Variants in COL25A1 observed in about 807,000 individuals in gnomAD.
The protein encoded by COL25A1 is collagen alpha-1(XXV) chain.
Under a neutral mutation model 128.4 loss-of-function variants are expected in COL25A1, and 103 were observed. The ratio of observed to expected loss-of-function variants is 0.80; its 90% CI spans 0.68 to 0.94. COL25A1 has a LOEUF of 0.94. Among genes scored for constraint, COL25A1 ranks in the 40% least tolerant of loss-of-function variants. COL25A1 has a pLI of 0.00. For synonymous variants in COL25A1, 279 were observed against 277.2 expected, an observed-to-expected ratio of 1.01 and a Z score of -0.06; for missense variants, 745 against 840.0, an observed-to-expected ratio of 0.89 and a Z score of 1.40.
At chr4:109,121,733 A>T (rs1768125451) in intron 3 of COL25A1, among the ~76,000 whole-genome samples, 1 of 152,132 alleles carries the variant, frequency 6.6e-6, no homozygotes, top group Admixed American at 6.6e-5. Context: ...ACAAAATGAA[A>T]CATACTCTTA....
intron 3 of COL25A1, among the ~76,000 whole-genome samples, chr4:109,064,778 T>A (rs111368203): frequency 6.6e-6 from 1 of 152,188 alleles, no homozygotes; most frequent in East Asian, 1.9e-4. Flanking sequence ...AAGAAAATCA[T>A]TTTTTCTTTC....
intron 18 of COL25A1, among the ~76,000 whole-genome samples, chr4:108,885,222 TC>T (rs1740638256): frequency 6.6e-6 from 1 of 152,128 alleles, no homozygotes; most frequent in African/African-American, 2.4e-5. Flanking sequence ...GCTTTAACAA[TC>T]CTGGTTTCAA....
intron 3 of COL25A1, among the ~76,000 whole-genome samples, chr4:109,091,098 G>A (rs1304991837): frequency 6.6e-6 from 1 of 152,154 alleles, no homozygotes; most frequent in African/African-American, 2.4e-5. Flanking sequence ...GCAGTTCAAG[G>A]AAGCAGTTTT....
At chr4:109,248,795 G>T (rs920525551) in intron 3 of COL25A1, among the ~76,000 whole-genome samples, 4 of 152,160 alleles carry the variant, frequency 2.6e-5, no homozygotes, top group African/African-American at 9.7e-5. Context: ...GACAAAGCAT[G>T]ATGGTTAATG....
chr4:109,109,905 GCTTT>G, intron 3 of COL25A1, among the ~76,000 whole-genome samples: 1 of 152,256 alleles, frequency 6.6e-6, no homozygotes. Flanking sequence ...ACACATATCA[GCTTT>G]CTTATTATCT....
rs200934434 is a variant in COL25A1 at position 108,898,977 on chromosome 4, CTATATCTA to C, written c.861+169_861+176del. 5.2e-3 allele frequency among the ~76,000 whole-genome samples: 565 copies of C among 109,276 alleles called. 2 individuals carry two copies. The highest frequency in any genetic ancestry group is 0.024 in the Middle Eastern group (4 of 168). 71.7% of individuals were successfully genotyped at this position (109,276 alleles called of 152,430 possible). A position where few individuals can be genotyped will look rare whatever the true frequency, so the allele number is the denominator to read the frequency against. ...GTTTGAAAAAACACAGGAGTCATAT[CTATATCTA>C]TATATCTATATATCTATATATCTAT... On this transcript the variant is annotated intron_variant, in intron 15 of 37. Coordinates refer to ENST00000399132, the MANE Select transcript of COL25A1 (RefSeq NM_198721.4).
intron 3 of COL25A1, among the ~76,000 whole-genome samples, chr4:109,062,450 A>G (rs1560619487): frequency 1.3e-5 from 2 of 152,254 alleles, no homozygotes; most frequent in African/African-American, 4.8e-5. Flanking sequence ...TGTAGTAAAT[A>G]TAGAAGAATT....
intron 11 of COL25A1, among the ~76,000 whole-genome samples, chr4:108,927,381 T>TGGAA (rs2125910114): frequency 1.3e-5 from 2 of 152,286 alleles, no homozygotes; most frequent in Admixed American, 1.3e-4. Context: ...AATTATTGAC[T>TGGAA]AAATGGAAAA....
chr4:109,175,843 C>T (rs562238996), intron 3 of COL25A1, among the ~76,000 whole-genome samples: 34 of 152,244 alleles, frequency 2.2e-4, no homozygotes, highest in African/African-American at 7.2e-4. Flanking sequence ...CTTTATGAGG[C>T]CCATGGTATT....
At chr4:109,296,673 T>C (rs975664608) in intron 3 of COL25A1, among the ~76,000 whole-genome samples, 1 of 152,106 alleles carries the variant, frequency 6.6e-6, no homozygotes, top group Admixed American at 6.5e-5. Context: ...CTTCCCAAAA[T>C]TGCATAATAA....
chr4:109,216,416 A>G (rs192182533), intron 3 of COL25A1, among the ~76,000 whole-genome samples: 27 of 152,304 alleles, frequency 1.8e-4, no homozygotes, highest in Non-Finnish European at 3.7e-4. Context: ...AGATATGCTC[A>G]AGTTCTAACC....
chr4:108,855,811 T>C (rs1328429477), intron 24 of COL25A1, among the ~76,000 whole-genome samples: 1 of 152,126 alleles, frequency 6.6e-6, no homozygotes, highest in African/African-American at 2.4e-5. Context: ...CACAAATACA[T>C]AGTCTTGACC....
intron 3 of COL25A1, among the ~76,000 whole-genome samples, chr4:109,088,200 T>G (rs1764579549): frequency 6.6e-6 from 1 of 152,010 alleles, no homozygotes; most frequent in African/African-American, 2.4e-5. Flanking sequence ...GTTGATACAG[T>G]TTAGAGGCTG....
intron 31 of COL25A1, among the ~76,000 whole-genome samples, chr4:108,840,010 G>T (rs940554316): frequency 6.6e-6 from 1 of 152,004 alleles, no homozygotes; most frequent in African/African-American, 2.4e-5. Context: ...GGGAGGCCGA[G>T]GCGGGCGGAT....
At chr4:109,254,794 A>T (rs1451279480) in intron 3 of COL25A1, among the ~76,000 whole-genome samples, 2 of 152,040 alleles carry the variant, frequency 1.3e-5, no homozygotes, top group Admixed American at 6.6e-5. Context: ...CAGCAAAGAG[A>T]TTCTGCTACA....
At chr4:108,818,037 A>C (rs1731415124) in intron 36 of COL25A1, among the ~76,000 whole-genome samples, 2 of 152,228 alleles carry the variant, frequency 1.3e-5, no homozygotes, top group Admixed American at 1.3e-4. Context: ...TCTCTATTTA[A>C]ATTATTCAAA....
chr4:109,225,209 G>T (rs1177410669), intron 3 of COL25A1, among the ~76,000 whole-genome samples: 1 of 152,140 alleles, frequency 6.6e-6, no homozygotes, highest in East Asian at 1.9e-4. Flanking sequence ...ACTCTTTTCA[G>T]TAAAATATTT....
chr4:109,085,276 C>A (rs17039766), intron 3 of COL25A1, among the ~76,000 whole-genome samples: 12,680 of 152,248 alleles, frequency 0.083, 899 homozygotes, highest in Admixed American at 0.25. Context: ...GTGAACAGAA[C>A]CTTCAGACTC....
chr4:109,129,892 C>T (rs1247834119), intron 3 of COL25A1, among the ~76,000 whole-genome samples: 1 of 151,846 alleles, frequency 6.6e-6, no homozygotes, highest in Non-Finnish European at 1.5e-5. Context: ...GGGAGATATA[C>T]CTAATGCTAG....
Sources: allele counts gnomAD v4.1 joint callset (sites outside exome capture counted in the v4.1 genomes callset), GRCh38; gene constraint gnomAD v4.1.1; transcripts MANE v1.5; gene names NCBI Gene and HGNC (gene_info 2026-07-23, HGNC 2026-07-21).